MTMR7: variants seen among roughly 807,000 people sequenced by gnomAD.
MTMR7 encodes the protein myotubularin related protein 7, also known as phosphatidylinositol-3-phosphate phosphatase MTMR7.
Under a neutral mutation model 81.2 loss-of-function variants are expected in MTMR7, and 76 were observed. The observed-to-expected ratio is 0.94, with a 90% confidence interval of 0.78 to 1.13. The LOEUF is 1.13. Among genes scored for constraint, MTMR7 ranks in the 50% most tolerant of loss-of-function variants. The probability of loss-of-function intolerance (pLI) is 0.00; values close to 1 mark genes in which losing one functional copy is unlikely to be tolerated. For synonymous variants in MTMR7, 372 were observed against 289.8 expected (o/e 1.28, Z -2.88); for missense variants, 1,044 against 820.0 (o/e 1.27, Z -3.34).
At chr8:17,394,142 C>A (rs1233721431) in intron 1 of MTMR7, among the ~76,000 whole-genome samples, 2 of 152,146 alleles carry the variant, frequency 1.3e-5, no homozygotes, top group Non-Finnish European at 2.9e-5. Flanking sequence ...GTTAGCCTCT[C>A]AACAGATTAA....
At chr8:17,313,136 T>A (rs4921749) in intron 8 of MTMR7, among the ~76,000 whole-genome samples, 156 bp downstream of exon 8, 106,573 of 152,224 alleles carry the variant, frequency 0.7, 38,130 homozygotes, top group African/African-American at 0.84. Flanking sequence ...CGCAAAATCA[T>A]ATCTTCAGCG....
intron 3 of MTMR7, among the ~76,000 whole-genome samples, chr8:17,368,615 C>G (rs1251371823): frequency 6.6e-6 from 1 of 152,194 alleles, no homozygotes; most frequent in Non-Finnish European, 1.5e-5. Flanking sequence ...ATTTCCCCAT[C>G]TCCCTCCAGA....
intron 6 of MTMR7, among the ~76,000 whole-genome samples, chr8:17,335,986 G>T (rs898389060): frequency 6.6e-6 from 1 of 152,158 alleles, no homozygotes; most frequent in Non-Finnish European, 1.5e-5. Flanking sequence ...GAGGATGGGT[G>T]CAGAGGAGGG....
intron 1 of MTMR7, among the ~76,000 whole-genome samples, chr8:17,395,731 G>T (rs887702903): frequency 6.6e-6 from 1 of 152,176 alleles, no homozygotes; most frequent in Non-Finnish European, 1.5e-5. Context: ...CTTCTTTGGA[G>T]AAATGTCTAT....
intron 8 of MTMR7, among the ~76,000 whole-genome samples, chr8:17,312,227 G>T (rs965481269): frequency 2.6e-5 from 4 of 152,158 alleles, no homozygotes; most frequent in African/African-American, 4.8e-5. Context: ...ACATGGGAGA[G>T]ATTTCATCAT....
At chr8:17,363,673 A>T (rs184226479) in intron 3 of MTMR7, among the ~76,000 whole-genome samples, 1 of 152,246 alleles carries the variant, frequency 6.6e-6, no homozygotes, top group African/African-American at 2.4e-5. Context: ...GAGGGCCAGG[A>T]AAAGCCCATT....
At chr8:17,350,002 C>A (rs1819680835) in intron 4 of MTMR7, among the ~76,000 whole-genome samples, 1 of 152,172 alleles carries the variant, frequency 6.6e-6, no homozygotes, top group African/African-American at 2.4e-5. Context: ...TCCGGCAACA[C>A]CCATGGCAAA....
At chr8:17,347,641 G>A (rs965980) in intron 5 of MTMR7, among the ~76,000 whole-genome samples, 3,595 of 152,198 alleles carry the variant, frequency 0.024, 58 homozygotes, top group Non-Finnish European at 0.039. Context: ...AGAACATTTT[G>A]TTTTTTTAAA....
intron 6 of MTMR7, among the ~76,000 whole-genome samples, chr8:17,336,959 A>C (rs901157482): frequency 1.3e-4 from 20 of 152,324 alleles, no homozygotes; most frequent in Middle Eastern, 3.4e-3. Flanking sequence ...CCTGGAATGT[A>C]AACTGTGAGA....
rs561738851 is a variant in MTMR7, at chr8:17,385,246, G to A, written c.25-12006C>T. Among the ~76,000 whole-genome samples, 106 of 152,228 alleles carry A rather than the reference G, an allele frequency of 7.0e-4. 1 individual carries two copies. Among genetic ancestry groups the A allele is most frequent in the Non-Finnish European group, 1.2e-3 (79 of 68,024 alleles). ...TGGTGGGAGGTGATTTGATCATGGG[G>A]CAGTTTCTCCTGAATGGCTCGGCAC... On this transcript the variant is annotated intron_variant, in intron 1 of 13. Coordinates refer to ENST00000180173, the MANE Select transcript of MTMR7 (RefSeq NM_004686.5).
chr8:17,299,940 T>TGG lies in MTMR7; in HGVS notation c.1903_1904dup (p.Ser636GlnfsTer39). The TGG allele has an allele frequency of 6.2e-7, 1 of 1,614,162 alleles. No homozygotes were observed. The highest frequency in any genetic ancestry group is 8.5e-7 in the Non-Finnish European group (1 of 1,180,004). On this transcript the variant is annotated frameshift_variant, in exon 14 of 14. Transcript: ENST00000180173. LOFTEE classifies it high-confidence loss of function. ...CACTCGGTGCATGCTCACCACCACTTGGAGACCGACAGCTCAAATCCTCCA... is the reference window on the plus strand; with the variant it reads ...CACTCGGTGCATGCTCACCACCACTTGGGGAGACCGACAGCTCAAATCCTCCA...
At position 17,403,749 on chromosome 8, in the gene MTMR7, A is replaced by C. The variant is rs542018944; in HGVS notation, c.24+9520T>G. ...TTGTGTGTCCTCTTCAATTTCTTTC[A>C]TCAGCGTTTTATAGTTTGCCTTTTA... is the stretch of plus-strand genomic sequence containing the variant. On this transcript the variant is annotated intron_variant, in intron 1 of 13. Coordinates refer to ENST00000180173, the MANE Select transcript of MTMR7 (RefSeq NM_004686.5). Among the ~76,000 whole-genome samples the C allele has an allele frequency of 6.5e-4, 98 of 151,730 alleles. 1 individual carries two copies. The highest frequency in any genetic ancestry group is 1.1e-3 in the Non-Finnish European group (73 of 67,850).
chr8:17,330,992 G>C (rs1348834245), intron 7 of MTMR7, among the ~76,000 whole-genome samples, 158 bp downstream of exon 7: 1 of 152,170 alleles, frequency 6.6e-6, no homozygotes, highest in Non-Finnish European at 1.5e-5. Context: ...ACAAATAAGA[G>C]AAACGTTCTT....
intron 3 of MTMR7, among the ~76,000 whole-genome samples, chr8:17,363,430 C>T (rs1462276547): frequency 1.3e-5 from 2 of 152,134 alleles, no homozygotes; most frequent in Non-Finnish European, 2.9e-5. Context: ...AGAAAAACAT[C>T]CTATGACTAC....
At chr8:17,393,851 AAC>A (rs112012265) in intron 1 of MTMR7, among the ~76,000 whole-genome samples, 2,453 of 152,354 alleles carry the variant, frequency 0.016, 77 homozygotes, top group African/African-American at 0.056. Context: ...CCTGGGACTT[AAC>A]ACAAACGTTG....
At chr8:17,393,582 G>A (rs1165834612) in intron 1 of MTMR7, among the ~76,000 whole-genome samples, 4 of 152,150 alleles carry the variant, frequency 2.6e-5, no homozygotes, top group African/African-American at 9.7e-5. Flanking sequence ...GTCATCCTCA[G>A]CAAACAAATG....
chr8:17,315,989 G>C (rs143210895), intron 7 of MTMR7, among the ~76,000 whole-genome samples: 14 of 152,204 alleles, frequency 9.2e-5, no homozygotes, highest in Admixed American at 2.0e-4. Context: ...CTCCATCCTG[G>C]GTGATGACAG....
chr8:17,327,369 C>A (rs1394254083), intron 7 of MTMR7, among the ~76,000 whole-genome samples: 1 of 152,178 alleles, frequency 6.6e-6, no homozygotes, highest in Non-Finnish European at 1.5e-5. Flanking sequence ...CTCCCAGGCC[C>A]AAGTGATCCT....
intron 1 of MTMR7, among the ~76,000 whole-genome samples, chr8:17,407,999 G>C (rs189086255): frequency 6.6e-6 from 1 of 152,272 alleles, no homozygotes; most frequent in East Asian, 1.9e-4. Flanking sequence ...ATAATTATAA[G>C]TTGTTGAGTT....
Sources: gnomAD v4.1 joint callset for allele counts (sites outside exome capture counted in the v4.1 genomes callset) on GRCh38, gnomAD v4.1.1 for gene constraint, MANE v1.5 for transcripts, NCBI Gene and HGNC (gene_info 2026-07-23, HGNC 2026-07-21) for gene names.